The following SLC6A6 variants were observed in gnomAD, a reference collection of about 807,000 sequenced individuals.
The protein encoded by SLC6A6 is solute carrier family 6 member 6.
In SLC6A6, 16 loss-of-function variants were observed where a neutral mutation model predicts 68.8. That is an observed-to-expected ratio of 0.23 (90% CI 0.16 to 0.35). The LOEUF is 0.35. SLC6A6 is among the 10% of genes least tolerant of loss of function. The pLI is 1.00. For missense variants in SLC6A6, 474 were observed against 802.8 expected (o/e 0.59, Z 4.95); for synonymous variants, 312 against 315.4 (o/e 0.99, Z 0.12).
At position 14,468,470 on chromosome 3, in the gene SLC6A6, C is replaced by T. The variant is rs946886700; in HGVS notation, c.1096+258C>T. Among the ~76,000 whole-genome samples, 4 of 151,930 alleles carry T rather than the reference C, an allele frequency of 2.6e-5. No homozygotes were observed. The highest frequency in any genetic ancestry group is 1.3e-4 in the Admixed American group (2 of 15,260). On this transcript the variant is annotated intron_variant, in intron 9 of 14. Transcript: ENST00000622186. This position sits in a 1 kb window ranked among gnomAD's most constrained non-coding sequence, Gnocchi z 4.5. ...GTTAAGTTGGGGAATTTTTAGCTAC[C>T]TTAGTGTGGTCTTCCCCGCCCCCCC...
At chr3:14,406,645 C>T (rs1428602778) in intron 1 of SLC6A6, among the ~76,000 whole-genome samples, 1 of 152,204 alleles carries the variant, frequency 6.6e-6, no homozygotes, top group African/African-American at 2.4e-5. Flanking sequence ...TATGCCAGTC[C>T]TGGACAGGTC....
intron 2 of SLC6A6, among the ~76,000 whole-genome samples, chr3:14,424,883 G>A (rs28416440): frequency 0.021 from 3,259 of 152,216 alleles, 127 homozygotes; most frequent in African/African-American, 0.072. Context: ...GGGACACGGC[G>A]CTATTGAAGG....
Position 14,450,715 on chromosome 3 carries a change from AG to A in SLC6A6, c.599+2903del, listed in dbSNP as rs1700233808. Among the ~76,000 whole-genome samples the A allele has an allele frequency of 6.6e-6, 1 of 152,226 alleles. No homozygotes were observed. The highest frequency in any genetic ancestry group is 2.4e-5 in the African/African-American group (1 of 41,470). On this transcript the variant is annotated intron_variant, in intron 5 of 14. Coordinates refer to ENST00000622186, the MANE Select transcript of SLC6A6 (RefSeq NM_003043.6). The surrounding 1 kb of genome is among the most constrained non-coding windows in gnomAD (Gnocchi z 4.1). Reference sequence around the variant, plus strand: ...CAGGCCGAGGCCAGAGAGCTACACCAGGGGACAGCTCAGTTCCAGCCCTGAG... The same window carrying A: ...CAGGCCGAGGCCAGAGAGCTACACCAGGGACAGCTCAGTTCCAGCCCTGAG...
intron 9 of SLC6A6, among the ~76,000 whole-genome samples, chr3:14,470,202 T>C (rs772827205): frequency 2.0e-5 from 3 of 152,206 alleles, no homozygotes; most frequent in Non-Finnish European, 4.4e-5. Context: ...TAGACACATA[T>C]ATTGTCAATC....
At chr3:14,475,311 C>T (rs532658680) in intron 10 of SLC6A6, among the ~76,000 whole-genome samples, 87 of 150,642 alleles carry the variant, frequency 5.8e-4, no homozygotes, top group Middle Eastern at 6.9e-3. Flanking sequence ...GAATTACAGA[C>T]GTGAACCACT....
At chr3:14,476,435 G>A (rs1194308719) in intron 10 of SLC6A6, among the ~76,000 whole-genome samples, 1 of 152,210 alleles carries the variant, frequency 6.6e-6, no homozygotes, top group African/African-American at 2.4e-5. Flanking sequence ...CCCCTGAAAT[G>A]TTACCTACAG....
chr3:14,407,177 G>A (rs1044513245), intron 1 of SLC6A6, among the ~76,000 whole-genome samples: 3 of 151,702 alleles, frequency 2.0e-5, no homozygotes, highest in Non-Finnish European at 4.4e-5. Context: ...AGCCTTCCAA[G>A]TAGCTGGGAC....
In SLC6A6 at chr3:14,468,343, C is replaced by A. The variant is rs995178768; in HGVS notation, c.1096+131C>A. 2.6e-5 allele frequency: 19 copies of A among 734,430 alleles called. No individual in the cohort carries two copies. Among genetic ancestry groups the A allele is most frequent in the East Asian group, 1.2e-4 (4 of 32,824 alleles). 45.5% of individuals were successfully genotyped at this position (734,430 alleles called of 1,614,324 possible). A position where few individuals can be genotyped will look rare whatever the true frequency, so the allele number is the denominator to read the frequency against. On this transcript the variant is annotated intron_variant, in intron 9 of 14. Coordinates refer to ENST00000622186, the MANE Select transcript of SLC6A6 (RefSeq NM_003043.6). This position sits in a 1 kb window ranked among gnomAD's most constrained non-coding sequence, Gnocchi z 4.5. ...CCTGGTTTCTAAAATGGACCCCCCC[C>A]CCGCCACCAAGATATCCCCCAAATT...
intron 2 of SLC6A6, among the ~76,000 whole-genome samples, chr3:14,430,275 T>G (rs1428967931): frequency 6.6e-6 from 1 of 152,120 alleles, no homozygotes; most frequent in Non-Finnish European, 1.5e-5. Flanking sequence ...TGGCAGGCAT[T>G]TGGGGTTTGC....
chr3:14,407,806 C>T (rs910754597), intron 1 of SLC6A6, among the ~76,000 whole-genome samples: 6 of 152,200 alleles, frequency 3.9e-5, no homozygotes, highest in African/African-American at 1.2e-4. Context: ...ATACCAGGCC[C>T]ACTTTCTGAT....
chr3:14,469,499 C>G (rs1343238029), intron 9 of SLC6A6, among the ~76,000 whole-genome samples: 2 of 152,190 alleles, frequency 1.3e-5, no homozygotes, highest in East Asian at 1.9e-4. Context: ...CATCGCGTGT[C>G]CAGATGTTCC....
At chr3:14,413,736 A>G (rs1001050274) in intron 1 of SLC6A6, among the ~76,000 whole-genome samples, 10 of 152,016 alleles carry the variant, frequency 6.6e-5, no homozygotes, top group Admixed American at 3.9e-4. Flanking sequence ...GTCAGGCCTA[A>G]TCCTTGCCCG....
intron 13 of SLC6A6, 87 bp downstream of exon 13, chr3:14,479,272 A>T: frequency 1.1e-6 from 1 of 877,770 alleles, no homozygotes. Context: ...TTCATGCAGC[A>T]TCTGTTCAGC....
At chr3:14,440,622 C>T (rs562148554) in intron 2 of SLC6A6, among the ~76,000 whole-genome samples, 3 of 152,076 alleles carry the variant, frequency 2.0e-5, no homozygotes, top group Non-Finnish European at 4.4e-5. Flanking sequence ...AGATCAGGGG[C>T]GGGCAGAGTA....
At chr3:14,428,295 T>G (rs1699647003) in intron 2 of SLC6A6, among the ~76,000 whole-genome samples, 1 of 152,236 alleles carries the variant, frequency 6.6e-6, no homozygotes, top group South Asian at 2.1e-4. Context: ...AGCCCTGGTC[T>G]TGGCCCTGTA....
intron 2 of SLC6A6, among the ~76,000 whole-genome samples, chr3:14,431,090 C>T (rs1240330957): frequency 7.9e-6 from 1 of 126,622 alleles, no homozygotes; most frequent in Non-Finnish European, 1.7e-5. Flanking sequence ...GAATGGACAT[C>T]GTTTAATGAA....
rs1169676577 is a variant in SLC6A6 at position 14,485,423 on chromosome 3, C to G, written c.*416C>G. 1 of 155,802 alleles carries G rather than the reference C, an allele frequency of 6.4e-6. No individual in the cohort carries two copies. Among genetic ancestry groups the G allele is most frequent in the East Asian group, 1.9e-4 (1 of 5,282 alleles). 9.7% of individuals were successfully genotyped at this position (155,802 alleles called of 1,614,324 possible). A position where few individuals can be genotyped will look rare whatever the true frequency, so the allele number is the denominator to read the frequency against. On this transcript the variant is annotated 3_prime_UTR_variant, in exon 15 of 15. Coordinates refer to ENST00000622186, the MANE Select transcript of SLC6A6 (RefSeq NM_003043.6). ...ATAGATCTCATTTTCAAAAGCAATTCTTCGGTGCTGTGTAGCTGGCAGAAA... is the reference window on the plus strand; with the variant it reads ...ATAGATCTCATTTTCAAAAGCAATTGTTCGGTGCTGTGTAGCTGGCAGAAA...
Position 14,479,120 on chromosome 3 carries a change from A to G in SLC6A6, c.1486A>G (p.Ile496Val), listed in dbSNP as rs1451100423. 3 of 1,613,324 alleles carry G rather than the reference A, an allele frequency of 1.9e-6. No individual in the cohort carries two copies. Among genetic ancestry groups the G allele is most frequent in the South Asian group, 2.2e-5 (2 of 91,064 alleles). ...DNLYDGIEDM[I>V]GYRPGPWMKY... ...CCTTTATGATGGTATTGAGGACATG[A>G]TTGGCTATCGGCCCGGGCCCTGGAT... is the stretch of plus-strand genomic sequence containing the variant. The change falls in exon 13 of 15, where the codon ATT becomes GTT. Residue 496 changes from isoleucine (I) to valine (V), a missense_variant. Coordinates refer to ENST00000622186, the MANE Select transcript of SLC6A6 (RefSeq NM_003043.6).
chr3:14,436,352 G>C (rs1699851000), intron 2 of SLC6A6, among the ~76,000 whole-genome samples: 4 of 151,744 alleles, frequency 2.6e-5, no homozygotes. Flanking sequence ...AGGCGCACGT[G>C]ACCACACCTG....
Sources: allele counts gnomAD v4.1 joint callset (sites outside exome capture counted in the v4.1 genomes callset), GRCh38; gene constraint gnomAD v4.1.1; non-coding constraint Gnocchi (gnomAD v3.1); transcripts MANE v1.5; gene names NCBI Gene and HGNC (gene_info 2026-07-23, HGNC 2026-07-21).